Variants in GSG1L observed in about 807,000 individuals in gnomAD.
GSG1L encodes the protein germ cell-specific gene 1-like protein.
A neutral mutation model predicts 42.1 loss-of-function variants in GSG1L; 24 were observed. The observed-to-expected ratio is 0.57, with a 90% CI of 0.41 to 0.80. GSG1L has a LOEUF of 0.80. GSG1L is among the 30% of genes least tolerant of loss of function. The pLI, the probability that GSG1L is intolerant of heterozygous loss-of-function variation, is 0.00. For missense variants in GSG1L, 445 were observed against 472.2 expected, an observed-to-expected ratio of 0.94 and a Z score of 0.53; for synonymous variants, 215 against 203.5, an observed-to-expected ratio of 1.06 and a Z score of -0.48.
intron 3 of GSG1L, among the ~76,000 whole-genome samples, chr16:27,878,275 C>G (rs188125592): frequency 2.0e-5 from 3 of 152,292 alleles, no homozygotes; most frequent in Non-Finnish European, 2.9e-5. Flanking sequence ...AATTGTTTCA[C>G]AGTTTTGTGT....
At chr16:27,837,105 T>C (rs1309247662) in intron 4 of GSG1L, among the ~76,000 whole-genome samples, 1 of 152,158 alleles carries the variant, frequency 6.6e-6, no homozygotes, top group Non-Finnish European at 1.5e-5. Context: ...ACTGACTCAG[T>C]TCAGCATGGC....
intron 2 of GSG1L, among the ~76,000 whole-genome samples, chr16:27,907,200 G>T (rs1013109005): frequency 2.6e-5 from 4 of 152,174 alleles, no homozygotes; most frequent in Admixed American, 1.3e-4. Flanking sequence ...AACTGGAGCT[G>T]CCGGGAGCAC....
intron 3 of GSG1L, among the ~76,000 whole-genome samples, chr16:27,848,927 G>A (rs1366629113): frequency 1.3e-5 from 2 of 152,052 alleles, no homozygotes; most frequent in Non-Finnish European, 2.9e-5. Flanking sequence ...CTGGTGCGGT[G>A]GCTCACGCCT....
intron 3 of GSG1L, among the ~76,000 whole-genome samples, chr16:27,865,552 TATATATATATATATATATATACACAC>T (rs200959804): frequency 0.29 from 12,358 of 42,644 alleles, 1,413 homozygotes; most frequent in African/African-American, 0.4. Flanking sequence ...TATATATATA[TATATATATATATATATATATACACAC>T]ACACATACAT....
At chr16:27,932,823 T>C (rs1053150228) in intron 2 of GSG1L, among the ~76,000 whole-genome samples, 1 of 152,036 alleles carries the variant, frequency 6.6e-6, no homozygotes, top group Non-Finnish European at 1.5e-5. Flanking sequence ...TCACCCCTGT[T>C]GCATTTCCAC....
intron 1 of GSG1L, among the ~76,000 whole-genome samples, chr16:27,970,778 G>C (rs2085186071): frequency 6.6e-6 from 1 of 151,910 alleles, no homozygotes; most frequent in Non-Finnish European, 1.5e-5. Flanking sequence ...TAAGACTTTT[G>C]TAATTTTAAC....
intron 2 of GSG1L, among the ~76,000 whole-genome samples, chr16:27,923,118 G>T (rs2084545890): frequency 6.6e-6 from 1 of 152,150 alleles, no homozygotes; most frequent in Admixed American, 6.5e-5. Flanking sequence ...TGCATGAACT[G>T]ATTTGACAAA....
At chr16:27,825,237 G>T (rs1349326845) in intron 5 of GSG1L, among the ~76,000 whole-genome samples, 1 of 152,154 alleles carries the variant, frequency 6.6e-6, no homozygotes, top group African/African-American at 2.4e-5. Flanking sequence ...TGAGCTCCTA[G>T]TAGGTGCCTG....
chr16:27,893,021 G>A (rs573119498), intron 2 of GSG1L, among the ~76,000 whole-genome samples: 11 of 152,146 alleles, frequency 7.2e-5, no homozygotes, highest in Non-Finnish European at 2.9e-5. Flanking sequence ...CAGCAGGCCC[G>A]GCAGAGCCTC....
chr16:28,054,003 G>C (rs568159476), intron 1 of GSG1L, among the ~76,000 whole-genome samples: 1 of 151,844 alleles, frequency 6.6e-6, no homozygotes, highest in South Asian at 2.1e-4. Context: ...TGGTCCCCTC[G>C]GTCCCCCTCG....
intron 1 of GSG1L, among the ~76,000 whole-genome samples, chr16:28,022,145 C>G (rs765185332): frequency 2.6e-5 from 4 of 152,068 alleles, no homozygotes; most frequent in African/African-American, 9.7e-5. Flanking sequence ...CGTAATAACA[C>G]CAGGATAGTG....
rs1174687433 is a variant in GSG1L at position 27,788,051 on chromosome 16, T to A, written c.*3319A>T. ...ATTAACAAATTGTTCGCTTGATGAA[T>A]CAATGCGTGAATGAATGAGCACAAA... On this transcript the variant is annotated 3_prime_UTR_variant, in exon 7 of 7. Coordinates refer to ENST00000447459, the MANE Select transcript of GSG1L (RefSeq NM_001109763.2). The A allele has an allele frequency of 6.6e-6, 1 of 152,178 alleles. No individual in the cohort carries two copies. Among genetic ancestry groups the A allele is most frequent in the Admixed American group, 6.5e-5 (1 of 15,280 alleles). The allele number at this position is 152,178 out of a possible 1,614,324, so 9.4% of individuals were successfully genotyped here. A position where few individuals can be genotyped will look rare whatever the true frequency, so the allele number is the denominator to read the frequency against.
chr16:28,063,183 G>C lies in GSG1L; in HGVS notation c.242C>G (p.Pro81Arg). Residue 81 changes from proline (P) to arginine (R), a missense_variant, in exon 1 of 7, where the codon CCC becomes CGC. Pro to Arg is a moderately radical substitution (Grantham distance 103). Transcript: ENST00000447459. This position sits in a 1 kb window ranked among gnomAD's most constrained non-coding sequence, Gnocchi z 5.8. ...AAAATASGNG[P>R]PGGALYSWET... ...CCAGCTGTAGAGCGCGCCGCCAGGGGGGCCGTTCCCCGAGGCGGTGGCGGC... is the reference window on the plus strand; with the variant it reads ...CCAGCTGTAGAGCGCGCCGCCAGGGCGGCCGTTCCCCGAGGCGGTGGCGGC... 1 of 1,323,380 alleles carries C rather than the reference G, an allele frequency of 7.6e-7. No individual in the cohort carries two copies. Among genetic ancestry groups the C allele is most frequent in the Non-Finnish European group, 9.7e-7 (1 of 1,034,614 alleles). 82.0% of individuals were successfully genotyped at this position (1,323,380 alleles called of 1,614,324 possible).
intron 2 of GSG1L, 106 bp downstream of exon 2, chr16:27,963,050 G>T: frequency 1.1e-6 from 1 of 941,568 alleles, no homozygotes; most frequent in Non-Finnish European, 1.7e-6. Flanking sequence ...TGTTGCCCAG[G>T]GATGCTGAAG....
chr16:27,806,916 G>C (rs989535198), intron 6 of GSG1L, among the ~76,000 whole-genome samples: 1 of 152,314 alleles, frequency 6.6e-6, no homozygotes. Context: ...GAGTGGGATG[G>C]GGTGGGGAAC....
intron 1 of GSG1L, among the ~76,000 whole-genome samples, chr16:27,970,209 A>G (rs117113898): frequency 0.025 from 3,858 of 152,236 alleles, 61 homozygotes; most frequent in Non-Finnish European, 0.038. Context: ...TTTAATTTTA[A>G]TGATGCCCAA....
intron 3 of GSG1L, among the ~76,000 whole-genome samples, chr16:27,883,753 T>C (rs28415709): frequency 0.071 from 10,799 of 152,256 alleles, 531 homozygotes; most frequent in African/African-American, 0.12. Flanking sequence ...CTTTATTCCC[T>C]TCCTGCGTAA....
chr16:27,892,081 T>G (rs1372419711), intron 2 of GSG1L, among the ~76,000 whole-genome samples: 1 of 151,818 alleles, frequency 6.6e-6, no homozygotes, highest in African/African-American at 2.4e-5. Context: ...ATCATTCTGT[T>G]TGAATGGGCC....
intron 2 of GSG1L, among the ~76,000 whole-genome samples, chr16:27,948,351 G>A (rs2084908903): frequency 1.0e-5 from 1 of 100,276 alleles, no homozygotes; most frequent in Non-Finnish European, 2.1e-5. Context: ...ACAGAAATAA[G>A]GTTTTGGTAT....
Sources: gnomAD v4.1 joint callset for allele counts (sites outside exome capture counted in the v4.1 genomes callset) on GRCh38, gnomAD v4.1.1 for gene constraint, Gnocchi (gnomAD v3.1) non-coding constraint, MANE v1.5 for transcripts, NCBI Gene and HGNC (gene_info 2026-07-23, HGNC 2026-07-21) for gene names.